DNAAF3: variants seen among roughly 807,000 people sequenced by gnomAD.
DNAAF3 encodes the protein dynein axonemal assembly factor 3.
In DNAAF3, 40 loss-of-function variants were observed where a neutral mutation model predicts 50.9. The observed-to-expected ratio is 0.79, with a 90% CI of 0.61 to 1.02. DNAAF3 has a LOEUF of 1.02. Ranked by LOEUF, DNAAF3 falls within the 50% of genes least tolerant of loss-of-function variation. The pLI, the probability that DNAAF3 is intolerant of heterozygous loss-of-function variation, is 0.00. For missense variants in DNAAF3, 763 were observed against 744.7 expected (o/e 1.02, Z -0.29); for synonymous variants, 327 against 322.8 (o/e 1.01, Z -0.14).
chr19:55,162,255 C>T lies in DNAAF3; in HGVS notation c.358G>A (p.Ala120Thr), dbSNP rs765396737. ...SETFLEVWGN[A>T]LLRPPVAAFV... The stretch of plus-strand genomic sequence containing the variant: ...GCGGCCACTGGCGGGCGCAGCAGCG[C>T]GTTCCCCCACACTTCCAGGAAGGTC... The change falls in exon 5 of 12, where the codon GCG (alanine) becomes ACG (threonine). Residue 120 changes from alanine to threonine, a missense_variant. Transcript: ENST00000524407. The T allele has an allele frequency of 8.0e-7, 1 of 1,249,942 alleles. No homozygotes were observed. Among genetic ancestry groups the T allele is most frequent in the Non-Finnish European group, 1.0e-6 (1 of 989,428 alleles). The allele number at this position is 1,249,942 out of a possible 1,614,324, so 77.4% of individuals were successfully genotyped here. A position where few individuals can be genotyped will look rare whatever the true frequency, so the allele number is the denominator to read the frequency against.
chr19:55,158,951 T>G lies in DNAAF3; in HGVS notation c.*111A>C. The G allele has an allele frequency of 7.9e-7, 1 of 1,272,946 alleles. No homozygotes were observed. Among genetic ancestry groups the G allele is most frequent in the Non-Finnish European group, 1.1e-6 (1 of 933,360 alleles). The allele number at this position is 1,272,946 out of a possible 1,614,324, so 78.9% of individuals were successfully genotyped here. ...GGGGGTGGCGGGTACTGAGTGGGAA[T>G]GATTAGAATAAAATTGAGGACTCTA... On this transcript the variant is annotated 3_prime_UTR_variant, in exon 12 of 12. Transcript: ENST00000524407.
rs1450526465 is a variant in DNAAF3 at position 55,161,371 on chromosome 19, G to T, written c.711C>A (p.Gly237=). Residue 237 remains glycine, a synonymous_variant, in exon 7 of 12, where the codon GGC becomes GGA. Transcript: ENST00000524407. This position sits in a 1 kb window ranked among gnomAD's most constrained non-coding sequence, Gnocchi z 6.4. The stretch of plus-strand genomic sequence containing the variant: ...TGGAGTCCCTGAGTTCAAAGGCGAC[G>T]CCTGTGTCCCGCCAGCGTCGGAACT... The part of the protein sequence containing the change: ...PQEFRRWRDT[G]VAFELRDSSA... 2 of 1,576,576 alleles carry T rather than the reference G, an allele frequency of 1.3e-6. No individual in the cohort carries two copies. Among genetic ancestry groups the T allele is most frequent in the African/African-American group, 1.4e-5 (1 of 72,520 alleles).
Position 55,161,039 on chromosome 19 carries a change from C to A in DNAAF3, c.912+26G>T. ...CCACCGACCCCCAGCCCCACCTCTA[C>A]CCCCAGTCCCAGCCTCGCCGCGCAC... On this transcript the variant is annotated intron_variant, in intron 8 of 11. Transcript: ENST00000524407. The surrounding 1 kb of genome is among the most constrained non-coding windows in gnomAD (Gnocchi z 6.4). The A allele has an allele frequency of 6.6e-7, 1 of 1,524,388 alleles. No individual in the cohort carries two copies. Among genetic ancestry groups the A allele is most frequent in the Non-Finnish European group, 8.8e-7 (1 of 1,136,902 alleles). 94.4% of individuals were successfully genotyped at this position (1,524,388 alleles called of 1,614,324 possible). A position where few individuals can be genotyped will look rare whatever the true frequency, so the allele number is the denominator to read the frequency against.
rs773426688 is a variant in DNAAF3 at position 55,166,456 on chromosome 19, G to GC, written c.-4-40dup. ...ATTCTGGGAATCGCACACATTGCCC[G>GC]CCCCGCTCCCCTCTCACCGCCCCTC... On this transcript the variant is annotated intron_variant, in intron 1 of 11. Transcript: ENST00000524407. The surrounding 1 kb of genome is among the most constrained non-coding windows in gnomAD (Gnocchi z 4.0). The GC allele has an allele frequency of 1.4e-5, 23 of 1,612,730 alleles. No individual in the cohort carries two copies. The African/African-American group carries it at 2.5e-4, about 18-fold the overall frequency.
chr19:55,160,992 G>C lies in DNAAF3; in HGVS notation c.912+73C>G. ...TCTGGAGCTGGGGGCGGGGCCTGCT[G>C]TGGGGGCGGGGCCTTGCGCACCCAC... On this transcript the variant is annotated intron_variant, in intron 8 of 11. Transcript: ENST00000524407. The surrounding 1 kb of genome is among the most constrained non-coding windows in gnomAD (Gnocchi z 4.7). 1.4e-6 allele frequency: 2 copies of C among 1,478,586 alleles called. No homozygotes were observed. The highest frequency in any genetic ancestry group is 1.4e-5 in the African/African-American group (1 of 71,022). The allele number at this position is 1,478,586 out of a possible 1,614,324, so 91.6% of individuals were successfully genotyped here. A position where few individuals can be genotyped will look rare whatever the true frequency, so the allele number is the denominator to read the frequency against.
Position 55,161,650 on chromosome 19 carries a change from T to TCATG in DNAAF3, c.652_655dup (p.Asp219AlafsTer2). On this transcript the variant is annotated stop_gained and frameshift_variant, in exon 6 of 12. Coordinates refer to ENST00000524407, the MANE Select transcript of DNAAF3 (RefSeq NM_001256715.2). LOFTEE classifies it high-confidence loss of function. This position sits in a 1 kb window ranked among gnomAD's most constrained non-coding sequence, Gnocchi z 6.4. ...CTCTCCTGGGCCCCTCACCCCGCGG[T>TCATG]CATGCAGCTTCATGCGCAGGTCCCA... The TCATG allele has an allele frequency of 6.5e-7, 1 of 1,536,380 alleles. No homozygotes were observed. The highest frequency in any genetic ancestry group is 8.7e-7 in the Non-Finnish European group (1 of 1,145,568).
chr19:55,159,604 C>G lies in DNAAF3; in HGVS notation c.1167G>C (p.Met389Ile), dbSNP rs987811530. The G allele has an allele frequency of 1.9e-6, 3 of 1,612,350 alleles. No individual in the cohort carries two copies. The highest frequency in any genetic ancestry group is 2.7e-5 in the African/African-American group (2 of 75,006). ...CAAGCTCAGGGATGAGAAGATGGACCATACTGCAGAGAGGACGGAGGACAG... is the reference window on the plus strand; with the variant it reads ...CAAGCTCAGGGATGAGAAGATGGACGATACTGCAGAGAGGACGGAGGACAG... ...RFQLLYVACG[M>I]VHLLIPELGA... The change falls in exon 11 of 12, where the codon ATG (methionine) becomes ATC (isoleucine). Residue 389 changes from methionine to isoleucine, a missense_variant. Physicochemically the swap from Met to Ile is conservative, Grantham distance 10 (BLOSUM62 1). Coordinates refer to ENST00000524407, the MANE Select transcript of DNAAF3 (RefSeq NM_001256715.2).
rs2085814458 is a variant in DNAAF3, at chr19:55,160,898, C to T, written c.913-123G>A. 9.6e-6 allele frequency: 14 copies of T among 1,463,604 alleles called. No individual in the cohort carries two copies. Among genetic ancestry groups the T allele is most frequent in the Non-Finnish European group, 1.3e-5 (14 of 1,110,584 alleles). 90.7% of individuals were successfully genotyped at this position (1,463,604 alleles called of 1,614,324 possible). A position where few individuals can be genotyped will look rare whatever the true frequency, so the allele number is the denominator to read the frequency against. ...GCTGCTTGGAGGATGTGAAGTGGGGCGGGACCTATCCCGCGGGGATGGGGC... is the reference window on the plus strand; with the variant it reads ...GCTGCTTGGAGGATGTGAAGTGGGGTGGGACCTATCCCGCGGGGATGGGGC... On this transcript the variant is annotated intron_variant, in intron 8 of 11. Transcript: ENST00000524407. This position sits in a 1 kb window ranked among gnomAD's most constrained non-coding sequence, Gnocchi z 4.7.
At chr19:55,159,695 G>T in intron 10 of DNAAF3, 88 bp from the exon 11 acceptor site, 1 of 1,590,540 alleles carries the variant, frequency 6.3e-7, no homozygotes, top group African/African-American at 1.4e-5. Flanking sequence ...TGAGGGAGGA[G>T]GGGTGGCAAA....
Position 55,161,558 on chromosome 19 carries a change from C to T in DNAAF3, c.663+85G>A. The T allele has an allele frequency of 6.8e-7, 1 of 1,470,186 alleles. No individual in the cohort carries two copies. The highest frequency in any genetic ancestry group is 9.0e-7 in the Non-Finnish European group (1 of 1,111,938). 91.1% of individuals were successfully genotyped at this position (1,470,186 alleles called of 1,614,324 possible). On this transcript the variant is annotated intron_variant, in intron 6 of 11. Coordinates refer to ENST00000524407, the MANE Select transcript of DNAAF3 (RefSeq NM_001256715.2). This position sits in a 1 kb window ranked among gnomAD's most constrained non-coding sequence, Gnocchi z 6.4. ...CCAGGAGTTCAGGCCCCCAAACCCT[C>T]CTCCCTCAGACTCAGGAGGCCCCCA... is the stretch of plus-strand genomic sequence containing the variant.
Position 55,159,560 on chromosome 19 carries a change from C to T in DNAAF3, c.1211G>A (p.Gly404Glu). 1 of 1,603,908 alleles carries T rather than the reference C, an allele frequency of 6.2e-7. No homozygotes were observed. Among genetic ancestry groups the T allele is most frequent in the Non-Finnish European group, 8.5e-7 (1 of 1,174,820 alleles). The part of the protein sequence containing the change: ...IPELGACVAP[G>E]GNLIVELARY... ...GGCTAATTCCACAATCAAGTTCCCT[C>T]CGGGTGCCACACAGGCCCCAAGCTC... The change falls in exon 11 of 12, where the codon GGA (glycine) becomes GAA (glutamate). Residue 404 changes from glycine (G) to glutamate (E), a missense_variant. Physicochemically the swap from Gly to Glu is moderately conservative, Grantham distance 98. Transcript: ENST00000524407.
chr19:55,165,643 C>G (rs1038330685), intron 3 of DNAAF3, 180 bp from the exon 4 acceptor site: 6 of 930,794 alleles, frequency 6.4e-6, no homozygotes, highest in Non-Finnish European at 9.5e-6. Flanking sequence ...ACTCAGAAGA[C>G]CTCATCCTCG....
Position 55,160,805 on chromosome 19 carries a change from C to T in DNAAF3, c.913-30G>A. 6.3e-7 allele frequency: 1 copy of T among 1,598,290 alleles called. No homozygotes were observed. On this transcript the variant is annotated intron_variant, in intron 8 of 11. Transcript: ENST00000524407. The surrounding 1 kb of genome is among the most constrained non-coding windows in gnomAD (Gnocchi z 4.7). ...CAGTAGAAGGGGCGTGGCCAGACGT[C>T]GGGGCCAGGATGGCGGGGCGGGGCT...
chr19:55,160,814 G>A lies in DNAAF3; in HGVS notation c.913-39C>T, dbSNP rs184039444. On this transcript the variant is annotated intron_variant, in intron 8 of 11. Transcript: ENST00000524407. The surrounding 1 kb of genome is among the most constrained non-coding windows in gnomAD (Gnocchi z 4.7). ...GGGCGTGGCCAGACGTCGGGGCCAG[G>A]ATGGCGGGGCGGGGCTTAGAACGCT... The A allele has an allele frequency of 8.9e-5, 142 of 1,592,804 alleles. No homozygotes were observed. The African/African-American group carries it at 1.8e-3, about 20-fold the overall frequency.
At chr19:55,159,852 G>A in intron 10 of DNAAF3, 47 bp downstream of exon 10, 1 of 1,597,970 alleles carries the variant, frequency 6.3e-7, no homozygotes, top group South Asian at 1.1e-5. Flanking sequence ...GGAGGGGCTG[G>A]GGGCCTGATC....
Position 55,160,879 on chromosome 19 carries a change from T to A in DNAAF3, c.913-104A>T. On this transcript the variant is annotated intron_variant, in intron 8 of 11. Transcript: ENST00000524407. The surrounding 1 kb of genome is among the most constrained non-coding windows in gnomAD (Gnocchi z 4.7). ...CAGGACTAGAACTCCCGCAGCTGCTTGGAGGATGTGAAGTGGGGCGGGACC... is the reference window on the plus strand; with the variant it reads ...CAGGACTAGAACTCCCGCAGCTGCTAGGAGGATGTGAAGTGGGGCGGGACC... The A allele has an allele frequency of 2.0e-6, 3 of 1,484,978 alleles. No individual in the cohort carries two copies. The highest frequency in any genetic ancestry group is 2.7e-6 in the Non-Finnish European group (3 of 1,122,148). The allele number at this position is 1,484,978 out of a possible 1,614,324, so 92.0% of individuals were successfully genotyped here. A position where few individuals can be genotyped will look rare whatever the true frequency, so the allele number is the denominator to read the frequency against.
intron 10 of DNAAF3, 24 bp from the exon 11 acceptor site, chr19:55,159,631 C>T: frequency 6.2e-7 from 1 of 1,612,442 alleles, no homozygotes; most frequent in Non-Finnish European, 8.5e-7. Context: ...GGAGGACAGG[C>T]TGAGATTCAG....
chr19:55,161,459 G>T lies in DNAAF3; in HGVS notation c.664-41C>A. 6.4e-7 allele frequency: 1 copy of T among 1,565,888 alleles called. No individual in the cohort carries two copies. Among genetic ancestry groups the T allele is most frequent in the South Asian group, 1.2e-5 (1 of 85,186 alleles). On this transcript the variant is annotated intron_variant, in intron 6 of 11. Transcript: ENST00000524407. This position sits in a 1 kb window ranked among gnomAD's most constrained non-coding sequence, Gnocchi z 6.4. ...GGAAGAAGGGAGCCCTCAGTGAACC[G>T]AGCGTGGAGAGACCCCTACACCAGC...
chr19:55,162,997 C>CTTTTTTTTTTT (rs576178532), intron 4 of DNAAF3, among the ~76,000 whole-genome samples: 1,228 of 92,206 alleles, frequency 0.013, 32 homozygotes, highest in Non-Finnish European at 0.02. Flanking sequence ...TTTTCTTTTT[C>CTTTTTTTTTTT]TTTTTTTTTT....
Sources: allele counts gnomAD v4.1 joint callset (sites outside exome capture counted in the v4.1 genomes callset), GRCh38; gene constraint gnomAD v4.1.1; non-coding constraint Gnocchi (gnomAD v3.1); transcripts MANE v1.5; gene names NCBI Gene and HGNC (gene_info 2026-07-23, HGNC 2026-07-21).